Variants in PCNX1 observed in about 807,000 individuals in gnomAD.
PCNX1 encodes the protein pecanex 1, also known as pecanex-like protein 1.
Under a neutral mutation model 242.2 loss-of-function variants are expected in PCNX1, and 78 were observed. That is an observed-to-expected ratio of 0.32 (90% CI 0.27 to 0.39). The LOEUF (loss-of-function observed/expected upper bound fraction) is 0.39. Among genes scored for constraint, PCNX1 ranks in the 10% least tolerant of loss-of-function variants. The pLI, the probability that PCNX1 is intolerant of heterozygous loss-of-function variation, is 1.00. For synonymous variants in PCNX1, 1,024 were observed against 1,032.9 expected (o/e 0.99, Z 0.17); for missense variants, 2,581 against 2,856.5 (o/e 0.90, Z 2.20).
rs763479804 is a variant in PCNX1, at chr14:70,947,012, C to G, written c.251C>G (p.Ala84Gly). The change falls in exon 2 of 36, where the codon GCA becomes GGA. Residue 84 changes from alanine to glycine, a missense_variant. By Grantham distance (60) the Ala-to-Gly change is moderately conservative. Around this residue, in one of 9 missense-constraint regions of PCNX1, gnomAD observed 1,204 missense variants for 1,216.7 expected, o/e 0.99. Transcript: ENST00000304743. ...ATGGTCAACTATCGACTACACAGAG[C>G]ACTTGATGCTGGAGAAGTTGTAGAT... is the stretch of plus-strand genomic sequence containing the variant. Reference protein sequence around the residue: ...LKMVNYRLHRALDAGEVVDRT... With the variant: ...LKMVNYRLHRGLDAGEVVDRT... The G allele has an allele frequency of 1.9e-6, 3 of 1,613,744 alleles. No homozygotes were observed. The highest frequency in any genetic ancestry group is 2.5e-6 in the Non-Finnish European group (3 of 1,179,734).
intron 5 of PCNX1, among the ~76,000 whole-genome samples, chr14:70,974,921 C>G (rs1254934533): frequency 6.6e-6 from 1 of 151,976 alleles, no homozygotes; most frequent in East Asian, 1.9e-4. Flanking sequence ...CTGAAACCAC[C>G]GAAATTCTTT....
intron 8 of PCNX1, among the ~76,000 whole-genome samples, chr14:71,002,319 CAG>C (rs1453828795): frequency 6.6e-6 from 1 of 152,202 alleles, no homozygotes; most frequent in East Asian, 1.9e-4. Context: ...ACATGCTCAT[CAG>C]ACTCTTACCT....
chr14:70,918,967 A>G (rs1428903803), intron 1 of PCNX1, among the ~76,000 whole-genome samples: 2 of 151,822 alleles, frequency 1.3e-5, no homozygotes, highest in Non-Finnish European at 2.9e-5. Context: ...TTCAGCTTCA[A>G]ACTCATAGGC....
intron 1 of PCNX1, among the ~76,000 whole-genome samples, chr14:70,923,208 T>C (rs1017146144): frequency 1.3e-5 from 2 of 152,146 alleles, no homozygotes; most frequent in East Asian, 1.9e-4. Flanking sequence ...AAATTAGTTA[T>C]TGTGGTTTAT....
At chr14:70,946,830 T>C in intron 1 of PCNX1, 85 bp from the exon 2 acceptor site, 2 of 990,304 alleles carry the variant, frequency 2.0e-6, no homozygotes, top group Admixed American at 4.6e-5. Flanking sequence ...TGTAAATGTG[T>C]TTATTATTTT....
chr14:70,974,369 G>A (rs914616044), intron 5 of PCNX1, among the ~76,000 whole-genome samples: 2 of 151,324 alleles, frequency 1.3e-5, no homozygotes, highest in Admixed American at 1.3e-4. Context: ...TCCTGACCTC[G>A]TGATCCACCT....
rs1162583175 is a variant in PCNX1 at position 71,110,974 on chromosome 14, T to G, written c.*1039T>G. ...GCTCTTGAAGTTATTCACATGCAGTTCAGTTAGTCAAGTAAAATTTTTTTT... is the reference window on the plus strand; with the variant it reads ...GCTCTTGAAGTTATTCACATGCAGTGCAGTTAGTCAAGTAAAATTTTTTTT... On this transcript the variant is annotated 3_prime_UTR_variant, in exon 36 of 36. Transcript: ENST00000304743. 1 of 152,650 alleles carries G rather than the reference T, an allele frequency of 6.6e-6. No individual in the cohort carries two copies. The highest frequency in any genetic ancestry group is 2.4e-5 in the African/African-American group (1 of 41,450). The allele number at this position is 152,650 out of a possible 1,614,324, so 9.5% of individuals were successfully genotyped here. A position where few individuals can be genotyped will look rare whatever the true frequency, so the allele number is the denominator to read the frequency against.
intron 24 of PCNX1, among the ~76,000 whole-genome samples, chr14:71,052,493 A>G (rs2061066157): frequency 6.6e-6 from 1 of 152,330 alleles, no homozygotes. Flanking sequence ...GATCACAGGC[A>G]TGAGCCACTG....
At chr14:71,095,521 A>T (rs1417759151) in intron 30 of PCNX1, among the ~76,000 whole-genome samples, 1 of 152,188 alleles carries the variant, frequency 6.6e-6, no homozygotes, top group Non-Finnish European at 1.5e-5. Flanking sequence ...ACATCTTTCC[A>T]TCACTCCACA....
At chr14:70,995,386 TGTTG>T (rs1408369973) in intron 7 of PCNX1, among the ~76,000 whole-genome samples, 4 of 152,242 alleles carry the variant, frequency 2.6e-5, no homozygotes, top group Non-Finnish European at 5.9e-5. Flanking sequence ...AGGGCTTATC[TGTTG>T]GGGCCAGCTG....
intron 7 of PCNX1, among the ~76,000 whole-genome samples, chr14:70,994,525 A>T (rs2140322672): frequency 6.6e-6 from 1 of 150,532 alleles, no homozygotes; most frequent in South Asian, 2.1e-4. Context: ...ATTACATTGA[A>T]TTCAAAGGAT....
At chr14:71,035,930 T>C (rs899996993) in intron 18 of PCNX1, 135 bp from the exon 19 acceptor site, 25 of 359,270 alleles carry the variant, frequency 7.0e-5, no homozygotes, top group African/African-American at 5.2e-4. Flanking sequence ...TGAAAACTTC[T>C]TTTTTTTTTT....
At chr14:70,995,961 A>G (rs1353600675) in intron 8 of PCNX1, 36 bp downstream of exon 8, 2 of 1,491,274 alleles carry the variant, frequency 1.3e-6, no homozygotes, top group Non-Finnish European at 1.9e-6. Flanking sequence ...TGATACAAAA[A>G]CTTTAATGCA....
chr14:71,088,370 G>A lies in PCNX1; in HGVS notation c.5378G>A (p.Cys1793Tyr). 6.2e-7 allele frequency: 1 copy of A among 1,612,658 alleles called. No homozygotes were observed. The highest frequency in any genetic ancestry group is 1.1e-5 in the South Asian group (1 of 91,020). ...VDKDSSLVTL[C>Y]YGLCVLGRRA... ...AAAGATTCATCCCTAGTGACTCTCT[G>A]TTATGGACTCTGTGTTCTGGGACGG... is the stretch of plus-strand genomic sequence containing the variant. The change falls in exon 29 of 36, where the codon TGT (cysteine) becomes TAT (tyrosine). Residue 1793 changes from cysteine to tyrosine, a missense_variant. This residue lies in a region of PCNX1 where 298 missense variants were observed against 480.1 expected (regional missense o/e 0.62). Coordinates refer to ENST00000304743, the MANE Select transcript of PCNX1 (RefSeq NM_014982.3).
At chr14:70,999,014 G>T (rs900308210) in intron 8 of PCNX1, among the ~76,000 whole-genome samples, 1 of 152,054 alleles carries the variant, frequency 6.6e-6, no homozygotes, top group Non-Finnish European at 1.5e-5. Flanking sequence ...ATTGCTATTT[G>T]TTGTTGATTT....
chr14:71,046,314 TATTG>T (rs542027363), intron 20 of PCNX1, among the ~76,000 whole-genome samples: 531 of 152,214 alleles, frequency 3.5e-3, no homozygotes, highest in African/African-American at 0.012. Flanking sequence ...TAAAATAAAT[TATTG>T]ATCTTATTTT....
At chr14:70,910,206 C>CCTT in intron 1 of PCNX1, among the ~76,000 whole-genome samples, 4 of 28,822 alleles carry the variant, frequency 1.4e-4, no homozygotes, top group Non-Finnish European at 2.6e-4. Context: ...TCCTCCTCCT[C>CCTT]GTCCTCCTCC....
At position 70,962,615 on chromosome 14, in the gene PCNX1, T is replaced by C. The variant is rs569435695; in HGVS notation, c.468+284T>C. On this transcript the variant is annotated intron_variant, in intron 3 of 35. Coordinates refer to ENST00000304743, the MANE Select transcript of PCNX1 (RefSeq NM_014982.3). ...AATTTAGCTTCTAGCTTGCGCTATC[T>C]TCACATCATGTGTATTAGAGAGGTG... Among the ~76,000 whole-genome samples the C allele has an allele frequency of 2.6e-5, 4 of 152,338 alleles. No homozygotes were observed. In the South Asian group the frequency reaches 6.2e-4, roughly 24 times the overall value.
Position 71,073,561 on chromosome 14 carries a change from A to T in PCNX1, c.4869A>T (p.Gln1623His). 1 of 1,611,934 alleles carries T rather than the reference A, an allele frequency of 6.2e-7. No individual in the cohort carries two copies. The highest frequency in any genetic ancestry group is 1.1e-5 in the South Asian group (1 of 90,608). Residue 1623 changes from glutamine (Q) to histidine (H), a missense_variant, in exon 27 of 36, where the codon CAA (glutamine) becomes CAT (histidine). This residue lies in a region of PCNX1 where 298 missense variants were observed against 480.1 expected (regional missense o/e 0.62). Transcript: ENST00000304743. ...GLEFRGTYCQ[Q>H]REVEAITEGV... ...CTCTCTAAGGTACCTACTGTCAACA[A>T]CGGGAAGTGGAGGCCATTACTGAAG...
Sources: allele counts gnomAD v4.1 joint callset (sites outside exome capture counted in the v4.1 genomes callset), GRCh38; gene constraint gnomAD v4.1.1; regional missense constraint gnomAD v4.1.1; transcripts MANE v1.5; gene names NCBI Gene and HGNC (gene_info 2026-07-23, HGNC 2026-07-21).